The following ARHGAP15 variants were observed in gnomAD, a reference collection of about 807,000 sequenced individuals.
The protein encoded by ARHGAP15 is rho GTPase-activating protein 15.
A neutral mutation model predicts 63.7 loss-of-function variants in ARHGAP15; 51 were observed. That is an observed-to-expected ratio of 0.80 (90% confidence interval 0.64 to 1.01). The LOEUF is 1.01. Among genes scored for constraint, ARHGAP15 ranks in the 50% least tolerant of loss-of-function variants. The pLI, the probability that ARHGAP15 is intolerant of heterozygous loss-of-function variation, is 0.00. For missense variants in ARHGAP15, 560 were observed against 564.6 expected, an observed-to-expected ratio of 0.99 and a Z score of 0.08; for synonymous variants, 191 against 193.8, an observed-to-expected ratio of 0.99 and a Z score of 0.12.
At chr2:143,432,753 A>G (rs1034556623) in intron 6 of ARHGAP15, among the ~76,000 whole-genome samples, 1 of 152,036 alleles carries the variant, frequency 6.6e-6, no homozygotes, top group Admixed American at 6.6e-5. Flanking sequence ...GATATGCATT[A>G]TTGACACTGC....
chr2:143,330,126 AAAAAACCAAAAACAAAAAAC>A (rs1684469462), intron 6 of ARHGAP15, among the ~76,000 whole-genome samples: 1 of 92,096 alleles, frequency 1.1e-5, no homozygotes, highest in Non-Finnish European at 2.2e-5. Context: ...AAAAAAAAAA[AAAAAACCAAAAACAAAAAAC>A]TAAACTAATG....
intron 6 of ARHGAP15, among the ~76,000 whole-genome samples, chr2:143,376,814 T>C (rs1467350036): frequency 2.6e-5 from 4 of 152,222 alleles, no homozygotes; most frequent in Non-Finnish European, 4.4e-5. Flanking sequence ...CTCAGCTCAG[T>C]TTAATATTTT....
intron 4 of ARHGAP15, among the ~76,000 whole-genome samples, chr2:143,224,478 TCTATTTCTTTGTGGGAGCTTGGGG>T (rs1693127012): frequency 6.6e-6 from 1 of 152,166 alleles, no homozygotes; most frequent in Non-Finnish European, 1.5e-5. Context: ...AGAGGTGGTT[TCTATTTCTTTGTGGGAGCTTGGGG>T]CATAGAGGGA....
At chr2:143,521,313 AT>A (rs1461412907) in intron 10 of ARHGAP15, among the ~76,000 whole-genome samples, 1 of 152,194 alleles carries the variant, frequency 6.6e-6, no homozygotes, top group East Asian at 1.9e-4. Flanking sequence ...AACCTCTCAC[AT>A]CATTGCAAGA....
intron 6 of ARHGAP15, among the ~76,000 whole-genome samples, chr2:143,404,201 A>T (rs1688104755): frequency 6.6e-6 from 1 of 151,870 alleles, no homozygotes; most frequent in South Asian, 2.1e-4. Flanking sequence ...AGGACAAGGG[A>T]AACATAAGTG....
intron 6 of ARHGAP15, among the ~76,000 whole-genome samples, chr2:143,381,322 C>T (rs1687044410): frequency 6.6e-6 from 1 of 151,952 alleles, no homozygotes; most frequent in South Asian, 2.1e-4. Context: ...TCTCATATTC[C>T]CTTCTTTACC....
At chr2:143,631,670 G>A (rs1454231483) in intron 12 of ARHGAP15, among the ~76,000 whole-genome samples, 1 of 152,040 alleles carries the variant, frequency 6.6e-6, no homozygotes, top group Non-Finnish European at 1.5e-5. Context: ...TTGCTATTGA[G>A]TTTCAAGAGT....
At chr2:143,563,395 AC>A (rs1696104103) in intron 11 of ARHGAP15, among the ~76,000 whole-genome samples, 1 of 152,218 alleles carries the variant, frequency 6.6e-6, no homozygotes, top group African/African-American at 2.4e-5. Flanking sequence ...AACAAATAAA[AC>A]TTTGGAAACT....
intron 11 of ARHGAP15, among the ~76,000 whole-genome samples, chr2:143,564,518 G>A (rs1321559331): frequency 6.6e-6 from 1 of 152,180 alleles, no homozygotes; most frequent in Non-Finnish European, 1.5e-5. Flanking sequence ...CCCCAGATAA[G>A]TAAAGTGCAT....
chr2:143,661,536 A>C (rs1681773035), intron 12 of ARHGAP15, among the ~76,000 whole-genome samples: 1 of 152,184 alleles, frequency 6.6e-6, no homozygotes, highest in South Asian at 2.1e-4. Flanking sequence ...AAGATTTTAA[A>C]TGATGACTCC....
At chr2:143,631,157 A>T (rs1035749465) in intron 12 of ARHGAP15, among the ~76,000 whole-genome samples, 2 of 152,068 alleles carry the variant, frequency 1.3e-5, no homozygotes, top group Non-Finnish European at 2.9e-5. Flanking sequence ...ATGTTATATT[A>T]GTTCATTTTT....
chr2:143,210,391 G>T (rs1192333634), intron 3 of ARHGAP15, among the ~76,000 whole-genome samples: 8 of 151,962 alleles, frequency 5.3e-5, no homozygotes, highest in Admixed American at 5.3e-4. Flanking sequence ...GTCGTATGGG[G>T]GTTCTTAAAC....
intron 13 of ARHGAP15, among the ~76,000 whole-genome samples, chr2:143,731,856 T>C (rs1685551874): frequency 6.6e-6 from 1 of 152,202 alleles, no homozygotes; most frequent in Admixed American, 6.5e-5. Flanking sequence ...CCATGTAAAG[T>C]CATTATTATC....
intron 5 of ARHGAP15, among the ~76,000 whole-genome samples, chr2:143,245,106 C>A (rs900746648): frequency 2.6e-5 from 4 of 152,076 alleles, no homozygotes; most frequent in Admixed American, 2.0e-4. Flanking sequence ...GAGCTGGAGG[C>A]CAGAGGCACC....
intron 6 of ARHGAP15, among the ~76,000 whole-genome samples, chr2:143,383,915 A>G (rs1687162493): frequency 6.6e-6 from 1 of 152,164 alleles, no homozygotes; most frequent in Non-Finnish European, 1.5e-5. Context: ...TCTATGATGA[A>G]ATATTTACAG....
chr2:143,348,023 T>C (rs186394976), intron 6 of ARHGAP15, among the ~76,000 whole-genome samples: 121 of 152,294 alleles, frequency 7.9e-4, no homozygotes, highest in African/African-American at 2.8e-3. Flanking sequence ...TGACAAAGTA[T>C]CCATTTCAAC....
rs572291036 is a variant in ARHGAP15 at position 143,739,173 on chromosome 2, GCAAA to G, written c.1245-28813_1245-28810del. On this transcript the variant is annotated intron_variant, in intron 13 of 13. Transcript: ENST00000295095. ...AAGGCTCTGTGACCTGTGCTTAGGG[GCAAA>G]CAGTGATCGCAGGTGAAGTATACTT... Among the ~76,000 whole-genome samples the G allele has an allele frequency of 2.2e-3, 332 of 152,218 alleles. 2 individuals carry two copies. The highest frequency in any genetic ancestry group is 2.8e-3 in the Non-Finnish European group (188 of 68,010).
chr2:143,340,581 G>T (rs951145549), intron 6 of ARHGAP15, among the ~76,000 whole-genome samples: 9 of 150,222 alleles, frequency 6.0e-5, no homozygotes, highest in Non-Finnish European at 1.5e-5. Flanking sequence ...TGGGCAAGCA[G>T]TGTGCAAGCA....
chr2:143,321,245 A>G (rs1558891037), intron 6 of ARHGAP15, among the ~76,000 whole-genome samples: 1 of 152,232 alleles, frequency 6.6e-6, no homozygotes, highest in Non-Finnish European at 1.5e-5. Context: ...ACACATGGTA[A>G]CTGCCCCAGT....
Sources: gnomAD v4.1 joint callset for allele counts (sites outside exome capture counted in the v4.1 genomes callset) on GRCh38, gnomAD v4.1.1 for gene constraint, MANE v1.5 for transcripts, NCBI Gene and HGNC (gene_info 2026-07-23, HGNC 2026-07-21) for gene names.